Variants in CAMTA1 observed in about 807,000 individuals in gnomAD.
CAMTA1 encodes calmodulin binding transcription activator 1, also known as calmodulin-binding transcription activator 1.
A neutral mutation model predicts 170.9 loss-of-function variants in CAMTA1; 27 were observed. The observed-to-expected ratio is 0.16, with a 90% CI of 0.12 to 0.22. The LOEUF is 0.22. CAMTA1 is among the 10% of genes least tolerant of loss of function. The pLI is 1.00. For synonymous variants in CAMTA1, 833 were observed against 891.5 expected, an observed-to-expected ratio of 0.93 and a Z score of 1.17; for missense variants, 1,619 against 2,217.2, an observed-to-expected ratio of 0.73 and a Z score of 5.42.
chr1:7,310,647 T>TCTTTCTTTTCTTTCTTTC (rs61161982), intron 5 of CAMTA1, among the ~76,000 whole-genome samples: 1 of 49,148 alleles, frequency 2.0e-5, no homozygotes, highest in African/African-American at 8.0e-5. Context: ...TTTCTTTCTT[T>TCTTTCTTTTCTTTCTTTC]TTTCTTTCTT....
intron 4 of CAMTA1, among the ~76,000 whole-genome samples, chr1:7,140,818 G>C (rs538651442): frequency 6.6e-6 from 1 of 152,246 alleles, no homozygotes; most frequent in East Asian, 1.9e-4. Context: ...TATGTCGCTT[G>C]AAAATGGTTT....
intron 5 of CAMTA1, among the ~76,000 whole-genome samples, chr1:7,267,335 T>G (rs143322920): frequency 2.0e-4 from 31 of 152,308 alleles, no homozygotes; most frequent in African/African-American, 7.5e-4. Flanking sequence ...GAAGACAGAA[T>G]GCACAGGACT....
intron 4 of CAMTA1, among the ~76,000 whole-genome samples, chr1:7,206,942 G>A (rs897819924): frequency 6.6e-6 from 1 of 152,122 alleles, no homozygotes; most frequent in Non-Finnish European, 1.5e-5. Flanking sequence ...CCCCCGGCCT[G>A]CTTCTTCTAA....
intron 5 of CAMTA1, 141 bp from the exon 6 acceptor site, chr1:7,467,689 C>A (rs1314540527): frequency 1.3e-6 from 1 of 796,520 alleles, no homozygotes; most frequent in Non-Finnish European, 2.2e-6. Context: ...GAGCTGGAGC[C>A]AGACGCAGAG....
intron 5 of CAMTA1, among the ~76,000 whole-genome samples, chr1:7,285,546 A>G (rs1218096410): frequency 6.6e-6 from 1 of 152,204 alleles, no homozygotes; most frequent in Non-Finnish European, 1.5e-5. Flanking sequence ...TCCTCTGAAC[A>G]GATGCTCAAA....
intron 11 of CAMTA1, among the ~76,000 whole-genome samples, chr1:7,683,863 CGCAGTG>C (rs1358315548): frequency 6.6e-6 from 1 of 152,208 alleles, no homozygotes; most frequent in African/African-American, 2.4e-5. Flanking sequence ...TCCTCAGCAC[CGCAGTG>C]GGTGGGAGTC....
intron 4 of CAMTA1, among the ~76,000 whole-genome samples, chr1:7,135,154 G>C (rs565795363): frequency 1.3e-5 from 2 of 152,052 alleles, no homozygotes; most frequent in African/African-American, 4.8e-5. Flanking sequence ...TGGGAGGCCG[G>C]GGCAGGCGGA....
chr1:7,762,240 A>G (rs990699610), intron 22 of CAMTA1, among the ~76,000 whole-genome samples: 1 of 152,228 alleles, frequency 6.6e-6, no homozygotes, highest in Non-Finnish European at 1.5e-5. Flanking sequence ...ACAAATAACC[A>G]AGGAGAATCA....
intron 6 of CAMTA1, among the ~76,000 whole-genome samples, chr1:7,540,664 C>T (rs1299104489): frequency 2.0e-5 from 3 of 152,084 alleles, no homozygotes; most frequent in Non-Finnish European, 4.4e-5. Context: ...CCAACCTGGA[C>T]GTATGGGCCT....
At chr1:7,118,097 T>A (rs1327306719) in intron 4 of CAMTA1, among the ~76,000 whole-genome samples, 2 of 152,118 alleles carry the variant, frequency 1.3e-5, no homozygotes, top group Non-Finnish European at 2.9e-5. Context: ...TCTCAGAGCA[T>A]CCGTCGCTCA....
intron 5 of CAMTA1, chr1:7,441,414 A>G (rs184263596): frequency 6.6e-6 from 1 of 152,202 alleles, no homozygotes; most frequent in East Asian, 1.9e-4. Context: ...GTCCTGGGGG[A>G]TAAAGAACAG....
At chr1:7,735,501 C>T (rs1483330204) in intron 12 of CAMTA1, among the ~76,000 whole-genome samples, 1 of 151,700 alleles carries the variant, frequency 6.6e-6, no homozygotes, top group East Asian at 1.9e-4. Context: ...AGCCGCTATA[C>T]CCGCCAGTGG....
chr1:7,060,060 A>G (rs1707973864), intron 3 of CAMTA1, among the ~76,000 whole-genome samples: 1 of 152,200 alleles, frequency 6.6e-6, no homozygotes, highest in African/African-American at 2.4e-5. Flanking sequence ...TTTTATGTGC[A>G]TAACCTACAG....
At chr1:7,386,293 C>A (rs189068190) in intron 5 of CAMTA1, among the ~76,000 whole-genome samples, 1 of 152,214 alleles carries the variant, frequency 6.6e-6, no homozygotes, top group Non-Finnish European at 1.5e-5. Flanking sequence ...GCAGAGTCCC[C>A]GTGATGCCCT....
intron 6 of CAMTA1, among the ~76,000 whole-genome samples, chr1:7,554,462 A>G (rs905471728): frequency 1.3e-5 from 2 of 151,386 alleles, no homozygotes; most frequent in Non-Finnish European, 2.9e-5. Context: ...CAGGGCAGAC[A>G]TTACTAATGG....
chr1:7,608,979 G>C (rs1366604602), intron 6 of CAMTA1, among the ~76,000 whole-genome samples: 1 of 152,140 alleles, frequency 6.6e-6, no homozygotes, highest in Non-Finnish European at 1.5e-5. Context: ...AAGCAGAAGT[G>C]AGGGCAGGAG....
chr1:7,296,522 C>G (rs1480570345), intron 5 of CAMTA1, among the ~76,000 whole-genome samples: 1 of 152,108 alleles, frequency 6.6e-6, no homozygotes, highest in Non-Finnish European at 1.5e-5. Flanking sequence ...GAGATTGTTG[C>G]TAGAACTTCT....
At chr1:7,605,447 A>G (rs1016037526) in intron 6 of CAMTA1, among the ~76,000 whole-genome samples, 3 of 152,204 alleles carry the variant, frequency 2.0e-5, no homozygotes, top group Non-Finnish European at 4.4e-5. Flanking sequence ...TGTGCTAGCA[A>G]TGAGCGAGGC....
intron 4 of CAMTA1, among the ~76,000 whole-genome samples, chr1:7,151,565 T>C (rs1246150618): frequency 2.0e-5 from 3 of 152,172 alleles, no homozygotes; most frequent in Non-Finnish European, 4.4e-5. Context: ...ATCTAAGCCC[T>C]GCAACCCTGA....
Sources: allele counts gnomAD v4.1 joint callset (sites outside exome capture counted in the v4.1 genomes callset), GRCh38; gene constraint gnomAD v4.1.1; transcripts MANE v1.5; gene names NCBI Gene and HGNC (gene_info 2026-07-23, HGNC 2026-07-21).